TNFAIP8: variants seen among roughly 807,000 people sequenced by gnomAD.
The protein encoded by TNFAIP8 is tumor necrosis factor alpha-induced protein 8.
TNFAIP8 carries 7 observed loss-of-function variants against 13.3 expected under a neutral mutation model. The ratio of observed to expected loss-of-function variants is 0.52; its 90% confidence interval spans 0.30 to 0.99. TNFAIP8 has a LOEUF of 0.99. TNFAIP8 is among the 50% of genes least tolerant of loss of function. TNFAIP8 has a pLI of 0.07. For synonymous variants in TNFAIP8, 94 were observed against 87.6 expected, an observed-to-expected ratio of 1.07 and a Z score of -0.41; for missense variants, 258 against 236.9, an observed-to-expected ratio of 1.09 and a Z score of -0.58.
chr5:119,299,841 T>A (rs1290634835), intron 1 of TNFAIP8, among the ~76,000 whole-genome samples: 1 of 152,230 alleles, frequency 6.6e-6, no homozygotes, highest in African/African-American at 2.4e-5. Context: ...GCCTCGCTGC[T>A]GCCTTGCAGT....
At chr5:119,346,533 C>T (rs527258850) in intron 1 of TNFAIP8, among the ~76,000 whole-genome samples, 2 of 152,136 alleles carry the variant, frequency 1.3e-5, no homozygotes, top group Non-Finnish European at 2.9e-5. Context: ...AGGCAGTAAA[C>T]TTATTGCAGT....
chr5:119,312,477 T>C (rs1011501291), intron 1 of TNFAIP8, among the ~76,000 whole-genome samples: 10 of 151,882 alleles, frequency 6.6e-5, no homozygotes, highest in Admixed American at 2.0e-4. Context: ...AAAAAGAAAA[T>C]AGAGTTATTT....
In TNFAIP8 at chr5:119,295,737, CGATGTT is replaced by C. The variant is rs1313473552; in HGVS notation, c.1+26834_1+26839del. 5.2e-3 allele frequency among the ~76,000 whole-genome samples: 799 copies of C among 152,282 alleles called. 8 individuals are homozygous for C. Among genetic ancestry groups the C allele is most frequent in the African/African-American group, 0.019 (769 of 41,546 alleles). On this transcript the variant is annotated intron_variant, in intron 1 of 1. Coordinates refer to the TNFAIP8 transcript ENST00000274456. The stretch of plus-strand genomic sequence containing the variant: ...ACCTTGGGCAGTATGGCCATTTTCA[CGATGTT>C]GATTCTTCCTACCCATGAACATGGA...
At chr5:119,370,099 TTTA>T (rs1024368588) in intron 1 of TNFAIP8, among the ~76,000 whole-genome samples, 10 of 152,230 alleles carry the variant, frequency 6.6e-5, no homozygotes, top group African/African-American at 2.4e-4. Flanking sequence ...TTTTCTTTTT[TTTA>T]TTGTTTTTTA....
intron 1 of TNFAIP8, among the ~76,000 whole-genome samples, chr5:119,283,776 G>A (rs1227897750): frequency 6.6e-6 from 1 of 152,126 alleles, no homozygotes; most frequent in African/African-American, 2.4e-5. Context: ...TTTCTTCCCA[G>A]GTGTAGTTTT....
chr5:119,327,897 C>G (rs1750270777), intron 1 of TNFAIP8, among the ~76,000 whole-genome samples: 1 of 152,118 alleles, frequency 6.6e-6, no homozygotes, highest in East Asian at 1.9e-4. Flanking sequence ...AACTTGAACT[C>G]AGATATGTCC....
At chr5:119,270,204 T>C (rs988419697) in intron 1 of TNFAIP8, among the ~76,000 whole-genome samples, 1 of 152,264 alleles carries the variant, frequency 6.6e-6, no homozygotes, top group African/African-American at 2.4e-5. Context: ...TCACTGTAAG[T>C]GCTGCTTATC....
At chr5:119,372,618 A>C (rs1752126072) in intron 1 of TNFAIP8, among the ~76,000 whole-genome samples, 1 of 152,218 alleles carries the variant, frequency 6.6e-6, no homozygotes, top group Non-Finnish European at 1.5e-5. Context: ...ACATACCATA[A>C]AAATACAAGT....
At chr5:119,355,921 C>T (rs995967193), upstream of TNFAIP8, 3 of 1,360,156 alleles carry the variant, frequency 2.2e-6, no homozygotes, top group African/African-American at 4.5e-5. Context: ...AACTTTCCCC[C>T]TGAAAATCCC....
chr5:119,314,856 C>A (rs1749837605), intron 1 of TNFAIP8, among the ~76,000 whole-genome samples: 1 of 152,170 alleles, frequency 6.6e-6, no homozygotes, highest in South Asian at 2.1e-4. Flanking sequence ...TAGTAAAGTA[C>A]TGTACTCATC....
intron 1 of TNFAIP8, among the ~76,000 whole-genome samples, chr5:119,372,495 C>A (rs943102330): frequency 6.6e-6 from 1 of 151,988 alleles, no homozygotes; most frequent in Non-Finnish European, 1.5e-5. Flanking sequence ...AAGATATGAC[C>A]GTAAACCTTG....
intron 1 of TNFAIP8, among the ~76,000 whole-genome samples, chr5:119,387,600 A>G (rs1340567637): frequency 6.6e-6 from 1 of 152,224 alleles, no homozygotes; most frequent in Admixed American, 6.5e-5. Context: ...ACTAAGTATT[A>G]ATAACAAAGG....
At chr5:119,346,305 A>C (rs1010545564) in intron 1 of TNFAIP8, among the ~76,000 whole-genome samples, 2 of 152,148 alleles carry the variant, frequency 1.3e-5, no homozygotes, top group Non-Finnish European at 2.9e-5. Context: ...CCAGTTGCTG[A>C]AGAAGGTGTG....
At chr5:119,325,941 C>G (rs988356417) in intron 1 of TNFAIP8, among the ~76,000 whole-genome samples, 3 of 152,230 alleles carry the variant, frequency 2.0e-5, no homozygotes, top group African/African-American at 7.2e-5. Context: ...CTAGAGTGGT[C>G]TCCGTCAGAA....
chr5:119,392,856 G>A lies in TNFAIP8; in HGVS notation c.72G>A (p.Gln24=), dbSNP rs1422047278. The A allele has an allele frequency of 1.2e-5, 18 of 1,559,878 alleles. No homozygotes were observed. The East Asian group carries it at 4.3e-4, about 37-fold the overall frequency. ...TTAATTCCAAAAACCTGGCCGTTCA[G>A]GCACAAAAGAAGATCTTGGGTAAAA... ...DVFNSKNLAV[Q]AQKKILGKMV... is the part of the protein sequence containing the mutation. Residue 24 remains glutamine, a synonymous_variant, in exon 2 of 2, where the codon CAG becomes CAA. Transcript: ENST00000504771.
Position 119,398,189 on chromosome 5 carries a change from G to A in TNFAIP8, c.*4808G>A, listed in dbSNP as rs551555355. 4 of 152,272 alleles carry A rather than the reference G, an allele frequency of 2.6e-5. No homozygotes were observed. The highest frequency in any genetic ancestry group is 2.0e-4 in the Admixed American group (3 of 15,288). 9.4% of individuals were successfully genotyped at this position (152,272 alleles called of 1,614,324 possible). ...TCATGGATGGCTGAGGAAATTCTCC[G>A]CCTTCCCTGACATCAGCTGCATAAC... On this transcript the variant is annotated 3_prime_UTR_variant, in exon 2 of 2. Coordinates refer to ENST00000504771, the MANE Select transcript of TNFAIP8 (RefSeq NM_014350.4).
intron 1 of TNFAIP8, among the ~76,000 whole-genome samples, chr5:119,332,924 C>T (rs979610958): frequency 6.6e-6 from 1 of 152,154 alleles, no homozygotes; most frequent in African/African-American, 2.4e-5. Context: ...AAGCAAAAGG[C>T]TGATGATTTT....
chr5:119,278,352 G>GGGAGA (rs376703661), intron 1 of TNFAIP8, among the ~76,000 whole-genome samples: 2,912 of 122,762 alleles, frequency 0.024, 99 homozygotes, highest in Non-Finnish European at 0.033. Context: ...ACAGGAAGGG[G>GGGAGA]GAGAGAGAGA....
chr5:119,332,069 A>G (rs1031622086), intron 1 of TNFAIP8, among the ~76,000 whole-genome samples: 1 of 152,240 alleles, frequency 6.6e-6, no homozygotes, highest in South Asian at 2.1e-4. Context: ...TTTCTAAGGT[A>G]TAAGTGTCAT....
Sources: allele counts gnomAD v4.1 joint callset (sites outside exome capture counted in the v4.1 genomes callset), GRCh38; gene constraint gnomAD v4.1.1; transcripts MANE v1.5; gene names NCBI Gene and HGNC (gene_info 2026-07-23, HGNC 2026-07-21).